Variants in SCFD2 observed in about 807,000 individuals in gnomAD.
SCFD2 encodes sec1 family domain-containing protein 2.
Under a neutral mutation model 58.9 loss-of-function variants are expected in SCFD2, and 54 were observed. That is an observed-to-expected ratio of 0.92 (90% CI 0.74 to 1.15). SCFD2 has a LOEUF of 1.15. Among genes scored for constraint, SCFD2 ranks in the 50% most tolerant of loss-of-function variants. SCFD2 has a pLI of 0.00. For synonymous variants in SCFD2, 321 were observed against 335.9 expected, an observed-to-expected ratio of 0.96 and a Z score of 0.49; for missense variants, 805 against 836.6, an observed-to-expected ratio of 0.96 and a Z score of 0.47.
At chr4:53,144,700 CATT>C (rs943504458) in intron 5 of SCFD2, among the ~76,000 whole-genome samples, 9 of 151,878 alleles carry the variant, frequency 5.9e-5, no homozygotes, top group African/African-American at 1.9e-4. Flanking sequence ...GGATGTACTA[CATT>C]TTATTTTTCC....
chr4:53,012,926 T>C (rs1722131121), intron 5 of SCFD2, among the ~76,000 whole-genome samples: 1 of 151,758 alleles, frequency 6.6e-6, no homozygotes, highest in Non-Finnish European at 1.5e-5. Context: ...AATAGCACAC[T>C]CCACAAGTGA....
chr4:53,359,868 C>T (rs563021231), intron 1 of SCFD2, among the ~76,000 whole-genome samples: 10 of 152,336 alleles, frequency 6.6e-5, no homozygotes, highest in Admixed American at 2.0e-4. Flanking sequence ...ATCTACCCTA[C>T]TACCTCATTC....
At chr4:53,128,997 T>C (rs1467617991) in intron 5 of SCFD2, among the ~76,000 whole-genome samples, 1 of 152,228 alleles carries the variant, frequency 6.6e-6, no homozygotes, top group Non-Finnish European at 1.5e-5. Flanking sequence ...TTTTCTTAAC[T>C]ACCACAACAC....
intron 4 of SCFD2, among the ~76,000 whole-genome samples, chr4:53,187,829 T>C (rs1727781996): frequency 6.6e-6 from 1 of 152,136 alleles, no homozygotes; most frequent in African/African-American, 2.4e-5. Context: ...TGGAAAACCA[T>C]AACATTTTCT....
intron 5 of SCFD2, among the ~76,000 whole-genome samples, chr4:52,964,015 T>G (rs975704024): frequency 6.6e-6 from 1 of 152,364 alleles, no homozygotes; most frequent in African/African-American, 2.4e-5. Context: ...TCTCTTGTCA[T>G]TAATTGGGAA....
intron 5 of SCFD2, among the ~76,000 whole-genome samples, chr4:53,054,051 T>C (rs1330439205): frequency 2.0e-5 from 3 of 152,178 alleles, no homozygotes. Context: ...TCAAGCTGTA[T>C]ATTGGTATCC....
chr4:52,978,796 G>A (rs1432507501), intron 5 of SCFD2, among the ~76,000 whole-genome samples: 2 of 152,092 alleles, frequency 1.3e-5, no homozygotes, highest in Non-Finnish European at 2.9e-5. Context: ...TCACAACTCT[G>A]GCCCCCTAAG....
At chr4:53,046,660 G>A (rs776584872) in intron 5 of SCFD2, among the ~76,000 whole-genome samples, 3 of 151,990 alleles carry the variant, frequency 2.0e-5, no homozygotes, top group Non-Finnish European at 2.9e-5. Flanking sequence ...ACAAAGCTAC[G>A]TGTTTTTGTT....
intron 7 of SCFD2, among the ~76,000 whole-genome samples, chr4:52,888,612 C>T (rs1257881812): frequency 1.3e-5 from 2 of 152,194 alleles, no homozygotes; most frequent in Non-Finnish European, 2.9e-5. Context: ...TATGGCATGT[C>T]ACAGCTGATG....
intron 7 of SCFD2, among the ~76,000 whole-genome samples, chr4:52,891,921 C>A (rs865908139): frequency 6.6e-6 from 1 of 152,236 alleles, no homozygotes; most frequent in Non-Finnish European, 1.5e-5. Flanking sequence ...TGCTCCATGA[C>A]AAGCTGTGTT....
intron 5 of SCFD2, among the ~76,000 whole-genome samples, chr4:52,981,679 C>T (rs1228472816): frequency 6.6e-6 from 1 of 152,050 alleles, no homozygotes; most frequent in African/African-American, 2.4e-5. Flanking sequence ...GCAGGGGCAA[C>T]ACCACACAGG....
At chr4:53,343,885 C>T (rs1733969562) in intron 2 of SCFD2, among the ~76,000 whole-genome samples, 1 of 152,152 alleles carries the variant, frequency 6.6e-6, no homozygotes, top group Admixed American at 6.5e-5. Flanking sequence ...CAGAAAAGAC[C>T]TTTGACAAAA....
intron 2 of SCFD2, among the ~76,000 whole-genome samples, chr4:53,314,078 A>G (rs762279090): frequency 5.9e-5 from 9 of 152,360 alleles, no homozygotes; most frequent in Non-Finnish European, 1.3e-4. Context: ...ATTCAACTCA[A>G]CATCACTAGA....
intron 4 of SCFD2, among the ~76,000 whole-genome samples, chr4:53,222,967 A>C (rs1729092308): frequency 6.6e-6 from 1 of 152,134 alleles, no homozygotes; most frequent in East Asian, 1.9e-4. Context: ...TTTCCCCCAA[A>C]AGAGCACGGA....
intron 5 of SCFD2, among the ~76,000 whole-genome samples, chr4:52,924,019 A>G (rs957851048): frequency 8.5e-5 from 13 of 152,216 alleles, no homozygotes; most frequent in African/African-American, 3.1e-4. Flanking sequence ...AAAAACAAGG[A>G]GAAAAAAAGT....
chr4:53,021,669 C>A (rs2148813729), intron 5 of SCFD2, among the ~76,000 whole-genome samples: 1 of 151,984 alleles, frequency 6.6e-6, no homozygotes, highest in East Asian at 1.9e-4. Context: ...AGGTGACATT[C>A]GAGATCTATC....
intron 2 of SCFD2, among the ~76,000 whole-genome samples, chr4:53,324,427 A>AC (rs913248114): frequency 1.9e-4 from 29 of 151,362 alleles, no homozygotes; most frequent in Admixed American, 1.6e-3. Context: ...CTCCAAAAAA[A>AC]AAAAAAAAAA....
intron 4 of SCFD2, among the ~76,000 whole-genome samples, chr4:53,195,565 C>T (rs1206068667): frequency 2.0e-5 from 3 of 152,172 alleles, no homozygotes; most frequent in Admixed American, 6.6e-5. Context: ...TGCCACTTCT[C>T]ATAGTCAGCC....
chr4:53,327,966 T>C (rs1007700057), intron 2 of SCFD2, among the ~76,000 whole-genome samples: 3 of 151,612 alleles, frequency 2.0e-5, no homozygotes, highest in African/African-American at 7.3e-5. Context: ...CTGTCTCTAC[T>C]AAAAATACAA....
Sources: gnomAD v4.1 joint callset for allele counts (sites outside exome capture counted in the v4.1 genomes callset) on GRCh38, gnomAD v4.1.1 for gene constraint, MANE v1.5 for transcripts, NCBI Gene and HGNC (gene_info 2026-07-23, HGNC 2026-07-21) for gene names.